The following SPMAP2L variants were observed in gnomAD, a reference collection of about 807,000 sequenced individuals.
SPMAP2L encodes sperm microtubule associated protein 2-like.
chr4:56,540,655 A>T, the SPMAP2L span, among the ~76,000 whole-genome samples: 8 of 152,198 alleles, frequency 5.3e-5, no homozygotes, highest in East Asian at 1.5e-3. Context: ...AAGAAAAGAG[A>T]GAAAGAAAGA....
the SPMAP2L span, chr4:56,548,806 T>G: frequency 2.7e-6 from 4 of 1,487,558 alleles, no homozygotes; most frequent in Non-Finnish European, 3.6e-6. Flanking sequence ...CTGTTTCCTG[T>G]GACTTTGTAA....
the SPMAP2L span, among the ~76,000 whole-genome samples, chr4:56,607,123 T>C: frequency 6.6e-6 from 1 of 152,174 alleles, no homozygotes; most frequent in South Asian, 2.1e-4. Context: ...CCTTCCAAAA[T>C]TCATGTTGAA....
At chr4:56,537,902 C>T in the SPMAP2L span, among the ~76,000 whole-genome samples, 3 of 152,022 alleles carry the variant, frequency 2.0e-5, no homozygotes, top group Non-Finnish European at 4.4e-5. Context: ...ACCATGTTAG[C>T]CAGGATGGTC....
At chr4:56,535,861 C>A in the SPMAP2L span, among the ~76,000 whole-genome samples, 12 of 152,304 alleles carry the variant, frequency 7.9e-5, no homozygotes, top group African/African-American at 2.9e-4. Flanking sequence ...AGGCAGGGAT[C>A]CCCAACCTTT....
At chr4:56,536,653 T>C in the SPMAP2L span, among the ~76,000 whole-genome samples, 1 of 152,332 alleles carries the variant, frequency 6.6e-6, no homozygotes, top group Admixed American at 6.5e-5. Context: ...TCGTTAGCAT[T>C]GTCAAAAAGA....
the SPMAP2L span, among the ~76,000 whole-genome samples, chr4:56,580,377 AT>A: frequency 6.6e-6 from 1 of 152,212 alleles, no homozygotes; most frequent in Non-Finnish European, 1.5e-5. Flanking sequence ...CAAAAACTAC[AT>A]GATCATCTCA....
At chr4:56,603,114 A>T in the SPMAP2L span, 1 of 734,230 alleles carries the variant, frequency 1.4e-6, no homozygotes, top group Non-Finnish European at 2.1e-6. Flanking sequence ...ATGGGATAAT[A>T]TCATAGTACA....
chr4:56,559,420 A>T, the SPMAP2L span: 2 of 1,528,424 alleles, frequency 1.3e-6, no homozygotes, highest in Middle Eastern at 3.4e-4. Context: ...TCAAGATCCT[A>T]TTCGCCCTGT....
the SPMAP2L span, chr4:56,552,718 C>A: frequency 1.5e-6 from 1 of 688,872 alleles, no homozygotes; most frequent in Non-Finnish European, 2.5e-6. Flanking sequence ...ATCCTCTGAA[C>A]CAATATTGTC....
At chr4:56,537,059 C>T in the SPMAP2L span, among the ~76,000 whole-genome samples, 3 of 152,198 alleles carry the variant, frequency 2.0e-5, no homozygotes, top group African/African-American at 2.4e-5. Flanking sequence ...CCACCACGCC[C>T]GGCCAATGTA....
the SPMAP2L span, among the ~76,000 whole-genome samples, chr4:56,533,268 G>C: frequency 2.2e-3 from 333 of 152,282 alleles, 11 homozygotes; most frequent in East Asian, 0.046. Flanking sequence ...CAGTCATACT[G>C]TATTTCCACA....
the SPMAP2L span, among the ~76,000 whole-genome samples, chr4:56,541,887 C>T: frequency 1.5e-4 from 23 of 152,224 alleles, no homozygotes; most frequent in Admixed American, 7.8e-4. Flanking sequence ...TGATCTCAAA[C>T]GATCCTCCCA....
At chr4:56,603,171 A>C in the SPMAP2L span, 3 of 1,414,324 alleles carry the variant, frequency 2.1e-6, no homozygotes, top group Non-Finnish European at 1.9e-6. Flanking sequence ...TTCTCTGTTC[A>C]TCTTATTTCA....
the SPMAP2L span, among the ~76,000 whole-genome samples, chr4:56,607,875 T>C: frequency 6.6e-6 from 1 of 151,678 alleles, no homozygotes; most frequent in African/African-American, 2.4e-5. Context: ...TGCTTGCCTG[T>C]AGTCCAAGCT....
the SPMAP2L span, chr4:56,584,718 T>A: frequency 1.3e-6 from 1 of 787,470 alleles, no homozygotes. Context: ...TTTTCCCTCT[T>A]ATCAAATGAA....
At chr4:56,538,060 A>G in the SPMAP2L span, among the ~76,000 whole-genome samples, 3 of 152,100 alleles carry the variant, frequency 2.0e-5, no homozygotes, top group Non-Finnish European at 4.4e-5. Context: ...CTGCAGCCCT[A>G]TGGCTACCGC....
the SPMAP2L span, among the ~76,000 whole-genome samples, chr4:56,577,381 C>T: frequency 6.6e-6 from 1 of 152,028 alleles, no homozygotes; most frequent in Non-Finnish European, 1.5e-5. Flanking sequence ...AAAGATATAC[C>T]ATTCACACCA....
At chr4:56,603,334 C>T in the SPMAP2L span, 3 of 1,518,474 alleles carry the variant, frequency 2.0e-6, no homozygotes, top group Admixed American at 4.0e-5. Flanking sequence ...ATACAGAAAG[C>T]CACAACAGTC....
At chr4:56,592,952 A>G in the SPMAP2L span, 8 of 1,604,026 alleles carry the variant, frequency 5.0e-6, no homozygotes, top group East Asian at 1.8e-4. Context: ...CCCTGCCAAC[A>G]TCCATTTGAA....
Sources: gnomAD v4.1 joint callset for allele counts (sites outside exome capture counted in the v4.1 genomes callset) on GRCh38, gnomAD v4.1.1 for gene constraint, MANE v1.5 for transcripts, NCBI Gene and HGNC (gene_info 2026-07-23, HGNC 2026-07-21) for gene names.